The following UTP14A variants were observed in gnomAD, a reference collection of about 807,000 sequenced individuals.
UTP14A encodes the protein U3 small nucleolar RNA-associated protein 14 homolog A.
In UTP14A, 5 loss-of-function variants were observed where a neutral mutation model predicts 57.2. The observed-to-expected ratio is 0.09, with a 90% CI of 0.05 to 0.18. The LOEUF (loss-of-function observed/expected upper bound fraction) is 0.18, where lower values mean the gene tolerates loss of function less well. Ranked by LOEUF, UTP14A falls within the 10% of genes least tolerant of loss-of-function variation. UTP14A has a pLI of 1.00. For synonymous variants in UTP14A, 169 were observed against 210.9 expected (o/e 0.80, Z 1.72); for missense variants, 430 against 562.1 (o/e 0.76, Z 2.38).
chrX:129,910,130 T>C (rs879043105), intron 4 of UTP14A, among the ~76,000 whole-genome samples: 5 of 111,440 alleles, frequency 4.5e-5, no homozygotes, highest in Non-Finnish European at 9.4e-5. Flanking sequence ...CATGCAAAGA[T>C]TGGGGAAAGC....
intron 6 of UTP14A, among the ~76,000 whole-genome samples, chrX:129,917,501 C>T (rs147044108): frequency 3.4e-4 from 38 of 111,435 alleles, no homozygotes; most frequent in African/African-American, 1.2e-3. Flanking sequence ...GTGGCATGAT[C>T]GGCCTGAATA....
In UTP14A at chrX:129,920,698, A is replaced by C. The variant is rs1431376410; in HGVS notation, c.900A>C (p.Gln300His). ...RMMERMSLKH[Q>H]NSGKWAKSKA... The stretch of plus-strand genomic sequence containing the variant: ...AGGAAAGAATGAGCCTTAAGCACCA[A>C]AACAGTGGGAAATGGGCCAAGTCAA... Residue 300 changes from glutamine to histidine, a missense_variant, in exon 10 of 15, where the codon CAA becomes CAC. Physicochemically the swap from Gln to His is conservative, Grantham distance 24. Transcript: ENST00000394422. 8.3e-7 allele frequency: 1 copy of C among 1,210,768 alleles called. No individual in the cohort carries two copies. The highest frequency in any genetic ancestry group is 1.8e-5 in the South Asian group (1 of 56,914).
At chrX:129,928,226 C>T (rs181954226) in intron 14 of UTP14A, among the ~76,000 whole-genome samples, 2 of 100,251 alleles carry the variant, frequency 2.0e-5, no homozygotes, top group Non-Finnish European at 4.0e-5. Context: ...AAAAAAAATA[C>T]AAAAAAAAAT....
At chrX:129,919,857 A>G (rs1211577734) in intron 8 of UTP14A, among the ~76,000 whole-genome samples, 1 of 111,118 alleles carries the variant, frequency 9.0e-6, no homozygotes, top group African/African-American at 3.3e-5. Context: ...AGGTGGATGG[A>G]CCACTTGAGC....
chrX:129,923,130 G>GAGTACGTTT (rs1929976629), intron 11 of UTP14A: 2 of 112,659 alleles, frequency 1.8e-5, no homozygotes, highest in Non-Finnish European at 3.8e-5. Flanking sequence ...AAGGAAACCT[G>GAGTACGTTT]ATTCTTGAGA....
intron 11 of UTP14A, among the ~76,000 whole-genome samples, chrX:129,924,041 T>A (rs1930006112): frequency 9.2e-6 from 1 of 108,921 alleles, no homozygotes; most frequent in Non-Finnish European, 1.9e-5. Flanking sequence ...TCCTGCAGCC[T>A]TGACCTTCTG....
intron 4 of UTP14A, among the ~76,000 whole-genome samples, chrX:129,909,505 G>A (rs992722841): frequency 4.5e-5 from 5 of 111,317 alleles, no homozygotes; most frequent in African/African-American, 1.6e-4. Context: ...CACCGTGCGC[G>A]GCCTCAAGAC....
At chrX:129,928,084 A>T (rs1930169541) in intron 14 of UTP14A, among the ~76,000 whole-genome samples, 1 of 110,288 alleles carries the variant, frequency 9.1e-6, no homozygotes, top group Admixed American at 9.7e-5. Context: ...TGCCAAAAGA[A>T]GATGAAGCTA....
chrX:129,907,940 A>G (rs1376007701), intron 2 of UTP14A, 120 bp from the exon 3 acceptor site: 1 of 626,291 alleles, frequency 1.6e-6, no homozygotes, highest in Admixed American at 3.1e-5. Context: ...TGGGCAACAG[A>G]GCGAGACGCC....
At chrX:129,913,723 G>A (rs1251474382) in intron 6 of UTP14A, among the ~76,000 whole-genome samples, 1 of 112,291 alleles carries the variant, frequency 8.9e-6, no homozygotes, top group Non-Finnish European at 1.9e-5. Context: ...GCTCACGCCT[G>A]TAATCCCAGC....
Position 129,911,021 on chromosome X carries a change from G to C in UTP14A, c.252G>C (p.Lys84Asn). 8.3e-7 allele frequency: 1 copy of C among 1,211,228 alleles called. No individual in the cohort carries two copies. Among genetic ancestry groups the C allele is most frequent in the East Asian group, 3.0e-5 (1 of 33,840 alleles). ...FNVSSEGSGE[K>N]LVLADLLEPV... ...ACCTTTCCACAGGATCAGGAGAAAA[G>C]CTGGTCCTTGCAGATCTGCTTGAGC... is the stretch of plus-strand genomic sequence containing the variant. Residue 84 changes from lysine to asparagine, a missense_variant, in exon 5 of 15, where the codon AAG becomes AAC. Coordinates refer to ENST00000394422, the MANE Select transcript of UTP14A (RefSeq NM_006649.4).
At chrX:129,911,720 CTTTAA>C (rs2124192943) in intron 5 of UTP14A, 41 bp from the exon 6 acceptor site, 1 of 1,195,461 alleles carries the variant, frequency 8.4e-7, no homozygotes. Context: ...GGGTTTGATG[CTTTAA>C]TCTTGTGGCT....
chrX:129,929,681 G>A lies in UTP14A; in HGVS notation c.*73G>A. The A allele has an allele frequency of 8.8e-7, 1 of 1,138,659 alleles. No homozygotes were observed. Among genetic ancestry groups the A allele is most frequent in the Admixed American group, 2.5e-5 (1 of 40,086 alleles). 93.8% of individuals were successfully genotyped at this position (1,138,659 alleles called of 1,213,427 possible). A position where few individuals can be genotyped will look rare whatever the true frequency, so the allele number is the denominator to read the frequency against. ...TCCAGTTTTACTCTGATACAGGGTG[G>A]ATTCCAAAACTGGCTCAGTACATTG... On this transcript the variant is annotated 3_prime_UTR_variant, in exon 15 of 15. Coordinates refer to ENST00000394422, the MANE Select transcript of UTP14A (RefSeq NM_006649.4).
chrX:129,929,455 C>T lies in UTP14A; in HGVS notation c.2163C>T (p.Val721=), dbSNP rs373329548. Residue 721 remains valine, a synonymous_variant, in exon 15 of 15, where the codon GTC becomes GTT. Transcript: ENST00000394422. ...TCCAAAAGCTGACTACTCCCAAGGT[C>T]GTCACCAAGCCAGGCCATATCATTA... The part of the protein sequence containing the change: ...RAFQKLTTPK[V]VTKPGHIINP... The T allele has an allele frequency of 5.4e-5, 65 of 1,209,907 alleles. 1 individual carries two copies. The South Asian group carries it at 9.2e-4, about 17-fold the overall frequency.
In UTP14A at chrX:129,929,668, C is replaced by G; in HGVS notation, c.*60C>G. 1 of 1,166,651 alleles carries G rather than the reference C, an allele frequency of 8.6e-7. No homozygotes were observed. Among genetic ancestry groups the G allele is most frequent in the Admixed American group, 2.3e-5 (1 of 43,277 alleles). On this transcript the variant is annotated 3_prime_UTR_variant, in exon 15 of 15. Transcript: ENST00000394422. ...TCACTTCCTTTGGTCCAGTTTTACT[C>G]TGATACAGGGTGGATTCCAAAACTG... is the stretch of plus-strand genomic sequence containing the variant.
intron 11 of UTP14A, chrX:129,922,182 A>G (rs951746227): frequency 2.7e-5 from 3 of 112,277 alleles, no homozygotes; most frequent in Non-Finnish European, 5.6e-5. Flanking sequence ...TTTGTATGTT[A>G]TATTTTCTAC....
At chrX:129,927,295 G>A (rs1233596249) in intron 14 of UTP14A, among the ~76,000 whole-genome samples, 2 of 111,401 alleles carry the variant, frequency 1.8e-5, no homozygotes. Context: ...GCTTCAAGGT[G>A]CCTAGGGGGG....
At chrX:129,927,453 T>C (rs1249222577) in intron 14 of UTP14A, among the ~76,000 whole-genome samples, 1 of 111,897 alleles carries the variant, frequency 8.9e-6, no homozygotes, top group African/African-American at 3.3e-5. Flanking sequence ...CACCTGATAG[T>C]ACTTAGCTTC....
rs769299312 is a variant in UTP14A at position 129,911,867 on chromosome X, G to A, written c.483G>A (p.Leu161=). The part of the protein sequence containing the change: ...NRQAEQLVFP[L]EKEEPAIAPI... The stretch of plus-strand genomic sequence containing the variant: ...AGGCAGAGCAGCTGGTTTTTCCCCT[G>A]GAGAAAGAGGAGCCAGCCATTGCTC... The change falls in exon 6 of 15, where the codon CTG becomes CTA. Residue 161 remains leucine (L), a synonymous_variant. Transcript: ENST00000394422. The A allele has an allele frequency of 8.3e-7, 1 of 1,211,385 alleles. No homozygotes were observed. Among genetic ancestry groups the A allele is most frequent in the African/African-American group, 1.7e-5 (1 of 57,668 alleles).
Sources: allele counts gnomAD v4.1 joint callset (sites outside exome capture counted in the v4.1 genomes callset), GRCh38; gene constraint gnomAD v4.1.1; transcripts MANE v1.5; gene names NCBI Gene and HGNC (gene_info 2026-07-23, HGNC 2026-07-21).